SNX3: variants seen among roughly 807,000 people sequenced by gnomAD.
The protein encoded by SNX3 is sorting nexin-3.
Under a neutral mutation model 17.7 loss-of-function variants are expected in SNX3, and 5 were observed. The ratio of observed to expected loss-of-function variants is 0.28; its 90% CI spans 0.15 to 0.59. SNX3 has a LOEUF of 0.59. SNX3 is among the 20% of genes least tolerant of loss of function. The probability of loss-of-function intolerance (pLI) is 0.88; values close to 1 mark genes in which losing one functional copy is unlikely to be tolerated. For missense variants in SNX3, 132 were observed against 206.8 expected, an observed-to-expected ratio of 0.64 and a Z score of 2.22; for synonymous variants, 91 against 76.5, an observed-to-expected ratio of 1.19 and a Z score of -0.99.
intron 2 of SNX3, among the ~76,000 whole-genome samples, chr6:108,221,605 G>A (rs1264784107): frequency 7.0e-6 from 1 of 143,702 alleles, no homozygotes; most frequent in African/African-American, 2.6e-5. Flanking sequence ...GAGTGCAGGG[G>A]CAAGACTACA....
At chr6:108,241,755 C>T (rs753765711) in intron 1 of SNX3, among the ~76,000 whole-genome samples, 9 of 152,122 alleles carry the variant, frequency 5.9e-5, no homozygotes, top group Non-Finnish European at 1.2e-4. Flanking sequence ...GTCTCTACAA[C>T]GTATTATCTA....
chr6:108,229,465 G>T (rs1416343329), intron 1 of SNX3, among the ~76,000 whole-genome samples: 2 of 149,876 alleles, frequency 1.3e-5, no homozygotes, highest in Non-Finnish European at 3.0e-5. Context: ...TAGAGACAGG[G>T]TCTCCCTAAG....
intron 2 of SNX3, among the ~76,000 whole-genome samples, chr6:108,222,630 GA>G (rs1272362138): frequency 3.9e-5 from 6 of 152,170 alleles, no homozygotes; most frequent in African/African-American, 1.4e-4. Context: ...TTGAGGAAGA[GA>G]AACTTGGCTT....
At chr6:108,243,640 C>T (rs144897523) in intron 1 of SNX3, among the ~76,000 whole-genome samples, 97 of 152,232 alleles carry the variant, frequency 6.4e-4, no homozygotes, top group African/African-American at 2.3e-3. Context: ...AAATGAAATC[C>T]ACATGAAGAG....
In SNX3 at chr6:108,260,831, T is replaced by G; in HGVS notation, c.91A>C (p.Ile31Leu). 1 of 1,613,752 alleles carries G rather than the reference T, an allele frequency of 6.2e-7. No individual in the cohort carries two copies. Among genetic ancestry groups the G allele is most frequent in the Non-Finnish European group, 8.5e-7 (1 of 1,179,804 alleles). Residue 31 changes from isoleucine to leucine, a missense_variant, in exon 1 of 4, where the codon ATC becomes CTC. Physicochemically the swap from Ile to Leu is conservative, Grantham distance 5. Around this residue, in one of 2 missense-constraint regions of SNX3, gnomAD observed 78 missense variants for 88.8 expected, o/e 0.88. Transcript: ENST00000230085. ...AYGPPSNFLE[I>L]DVSNPQTVGV... ...ACCGTTTGCGGGTTGCTCACATCGA[T>G]CTCGAGGAAGTTGCTGGGGGGTCCG...
At chr6:108,253,747 A>G (rs188570358) in intron 1 of SNX3, among the ~76,000 whole-genome samples, 83 of 152,224 alleles carry the variant, frequency 5.5e-4, no homozygotes, top group African/African-American at 1.8e-3. Context: ...TCTACTGTCT[A>G]TCTATCTCAG....
intron 1 of SNX3, among the ~76,000 whole-genome samples, chr6:108,241,043 G>C (rs1426037038): frequency 6.8e-6 from 1 of 147,830 alleles, no homozygotes; most frequent in African/African-American, 2.5e-5. Context: ...TTGGGAGTCT[G>C]AGACAAGAGA....
At chr6:108,245,799 G>GT (rs1207810944) in intron 1 of SNX3, among the ~76,000 whole-genome samples, 1 of 152,106 alleles carries the variant, frequency 6.6e-6, no homozygotes, top group African/African-American at 2.4e-5. Context: ...TGAAGGGATT[G>GT]TTTTTTTCTT....
chr6:108,257,102 T>G (rs1349763095), intron 1 of SNX3, among the ~76,000 whole-genome samples: 2 of 152,200 alleles, frequency 1.3e-5, no homozygotes, highest in African/African-American at 2.4e-5. Context: ...AATGAGACAG[T>G]AACTGTAAGA....
chr6:108,223,108 G>GA (rs1582475058), intron 1 of SNX3, 63 bp from the exon 2 acceptor site: 9 of 789,836 alleles, frequency 1.1e-5, no homozygotes, highest in Admixed American at 4.8e-5. Context: ...AAAATGGGGG[G>GA]ACGGGTATGG....
At chr6:108,246,785 G>A (rs1775706030) in intron 1 of SNX3, among the ~76,000 whole-genome samples, 1 of 152,080 alleles carries the variant, frequency 6.6e-6, no homozygotes, top group Admixed American at 6.6e-5. Context: ...ATAACTCAGT[G>A]CAGATTCTAA....
intron 1 of SNX3, among the ~76,000 whole-genome samples, chr6:108,246,179 C>T (rs7756154): frequency 1.3e-3 from 194 of 151,988 alleles, no homozygotes; most frequent in African/African-American, 4.5e-3. Flanking sequence ...TTTCCCAGCA[C>T]CATTTATTAA....
chr6:108,235,587 T>C lies in SNX3; in HGVS notation c.163-12542A>G, dbSNP rs115954907. On this transcript the variant is annotated intron_variant, in intron 1 of 3. Coordinates refer to ENST00000230085, the MANE Select transcript of SNX3 (RefSeq NM_003795.6). Reference sequence around the variant, plus strand: ...AAGACAGTATTTCATCTCTAAAAACTTGGTAACTCAAAAGTACATAGACTT... The same window carrying C: ...AAGACAGTATTTCATCTCTAAAAACCTGGTAACTCAAAAGTACATAGACTT... Among the ~76,000 whole-genome samples, 529 of 152,260 alleles carry C rather than the reference T, an allele frequency of 3.5e-3. 6 individuals are homozygous for C. Among genetic ancestry groups the C allele is most frequent in the African/African-American group, 0.012 (506 of 41,562 alleles).
chr6:108,223,190 GT>G (rs1774860690), intron 1 of SNX3, 145 bp from the exon 2 acceptor site: 2 of 590,552 alleles, frequency 3.4e-6, no homozygotes, highest in Admixed American at 6.3e-5. Flanking sequence ...CTAGGCTGGA[GT>G]GCAATGGCAC....
intron 1 of SNX3, among the ~76,000 whole-genome samples, chr6:108,249,054 T>C (rs144246931): frequency 4.3e-4 from 66 of 152,308 alleles, no homozygotes; most frequent in African/African-American, 1.5e-3. Flanking sequence ...GGGGTTAACA[T>C]GTAAGAATAC....
intron 1 of SNX3, among the ~76,000 whole-genome samples, chr6:108,226,691 T>C (rs1582479207): frequency 6.6e-6 from 1 of 152,366 alleles, no homozygotes; most frequent in East Asian, 1.9e-4. Flanking sequence ...TTAATGCTAC[T>C]GGTAAGTAGC....
intron 1 of SNX3, among the ~76,000 whole-genome samples, chr6:108,236,326 C>T (rs1775328569): frequency 6.7e-6 from 1 of 149,698 alleles, no homozygotes; most frequent in South Asian, 2.1e-4. Flanking sequence ...CTCTCTCTAC[C>T]TCTCTTTATA....
In SNX3 at chr6:108,260,850, G is replaced by T. The variant is rs750399984; in HGVS notation, c.72C>A (p.Pro24=). The part of the protein sequence containing the change: ...KPQNLNDAYG[P]PSNFLEIDVS... ...CATCGATCTCGAGGAAGTTGCTGGG[G>T]GGTCCGTAGGCGTCATTCAGGTTCT... Residue 24 remains proline, a synonymous_variant, in exon 1 of 4, where the codon CCC becomes CCA. Coordinates refer to ENST00000230085, the MANE Select transcript of SNX3 (RefSeq NM_003795.6). 1.9e-6 allele frequency: 3 copies of T among 1,613,482 alleles called. No individual in the cohort carries two copies. Among genetic ancestry groups the T allele is most frequent in the Admixed American group, 3.3e-5 (2 of 60,014 alleles).
chr6:108,234,803 C>A (rs2114734831), intron 1 of SNX3, among the ~76,000 whole-genome samples: 1 of 152,236 alleles, frequency 6.6e-6, no homozygotes, highest in African/African-American at 2.4e-5. Flanking sequence ...TGATGAAGCA[C>A]ACAGTTCTGG....
Sources: gnomAD v4.1 joint callset for allele counts (sites outside exome capture counted in the v4.1 genomes callset) on GRCh38, gnomAD v4.1.1 for gene constraint, gnomAD v4.1.1 regional missense constraint, MANE v1.5 for transcripts, NCBI Gene and HGNC (gene_info 2026-07-23, HGNC 2026-07-21) for gene names.